The following OPHN1 variants were observed in gnomAD, a reference collection of about 807,000 sequenced individuals.
OPHN1 encodes oligophrenin 1, also known as oligophrenin-1.
A neutral mutation model predicts 60.7 loss-of-function variants in OPHN1; 11 were observed. The ratio of observed to expected loss-of-function variants is 0.18; its 90% CI spans 0.11 to 0.30. The LOEUF (loss-of-function observed/expected upper bound fraction) is 0.30, where lower values mean the gene tolerates loss of function less well. Ranked by LOEUF, OPHN1 falls within the 10% of genes least tolerant of loss-of-function variation. OPHN1 has a pLI of 1.00. For synonymous variants in OPHN1, 226 were observed against 222.6 expected, an observed-to-expected ratio of 1.02 and a Z score of -0.14; for missense variants, 449 against 611.0, an observed-to-expected ratio of 0.73 and a Z score of 2.80.
chrX:68,152,013 C>A (rs747762838), intron 15 of OPHN1, among the ~76,000 whole-genome samples: 56 of 110,600 alleles, frequency 5.1e-4, no homozygotes, highest in African/African-American at 1.7e-3. Context: ...GGGTGCTACA[C>A]ACTTTAAAAA....
chrX:68,189,520 A>G (rs1040460447), intron 15 of OPHN1, among the ~76,000 whole-genome samples: 5 of 99,406 alleles, frequency 5.0e-5, no homozygotes, highest in South Asian at 5.1e-4. Flanking sequence ...CCAACCCCAC[A>G]ACAGGCCCCA....
At chrX:68,282,656 G>A (rs2078024387) in intron 4 of OPHN1, among the ~76,000 whole-genome samples, 1 of 111,275 alleles carries the variant, frequency 9.0e-6, no homozygotes, top group African/African-American at 3.3e-5. Context: ...AGAGAAAGGT[G>A]GTATATGAGT....
At chrX:68,178,844 G>A (rs2077424988) in intron 15 of OPHN1, among the ~76,000 whole-genome samples, 1 of 111,859 alleles carries the variant, frequency 8.9e-6, no homozygotes, top group Non-Finnish European at 1.9e-5. Flanking sequence ...CTGACTCTCG[G>A]CTCAAGGTGA....
At chrX:68,365,290 GA>G (rs1324351591) in intron 2 of OPHN1, among the ~76,000 whole-genome samples, 101 of 102,755 alleles carry the variant, frequency 9.8e-4, no homozygotes, top group East Asian at 1.5e-3. Context: ...GTACAAAAAG[GA>G]AAAAAAAAAA....
chrX:68,418,433 A>T (rs1046725518), intron 2 of OPHN1, among the ~76,000 whole-genome samples: 3 of 111,158 alleles, frequency 2.7e-5, no homozygotes, highest in Non-Finnish European at 3.8e-5. Flanking sequence ...AGGCTCAAGG[A>T]GCAGGAGAGG....
At chrX:68,245,504 T>C (rs758167543) in intron 5 of OPHN1, among the ~76,000 whole-genome samples, 2 of 112,002 alleles carry the variant, frequency 1.8e-5, no homozygotes, top group African/African-American at 6.5e-5. Flanking sequence ...CTTAATTTGC[T>C]CATATAGGTC....
intron 12 of OPHN1, among the ~76,000 whole-genome samples, chrX:68,196,700 C>T (rs1286396386): frequency 3.6e-5 from 4 of 111,842 alleles, no homozygotes; most frequent in Admixed American, 9.5e-5. Context: ...ATGCCATCTC[C>T]GCTACCAGCT....
chrX:68,295,675 A>T (rs762922157), intron 3 of OPHN1, among the ~76,000 whole-genome samples: 3 of 112,420 alleles, frequency 2.7e-5, no homozygotes, highest in Non-Finnish European at 5.6e-5. Flanking sequence ...TCAATGACAC[A>T]TGGCCTCCCA....
chrX:68,083,386 T>C (rs1416484001), intron 19 of OPHN1, among the ~76,000 whole-genome samples: 1 of 111,596 alleles, frequency 9.0e-6, no homozygotes, highest in Non-Finnish European at 1.9e-5. Context: ...CCTCTGCTAG[T>C]TTCAAACTTT....
chrX:68,269,713 G>A (rs2077955743), intron 5 of OPHN1, among the ~76,000 whole-genome samples: 1 of 111,748 alleles, frequency 8.9e-6, no homozygotes, highest in Non-Finnish European at 1.9e-5. Flanking sequence ...AAAAGCAATG[G>A]CAACAAAAGC....
intron 6 of OPHN1, among the ~76,000 whole-genome samples, chrX:68,218,269 T>C (rs1222530464): frequency 8.4e-5 from 9 of 107,602 alleles, no homozygotes; most frequent in African/African-American, 3.0e-4. Flanking sequence ...CCAAGAAATA[T>C]GGGACTATGG....
chrX:68,167,850 G>A (rs181748743), intron 15 of OPHN1, among the ~76,000 whole-genome samples: 2 of 110,398 alleles, frequency 1.8e-5, no homozygotes, highest in Admixed American at 2.0e-4. Flanking sequence ...TCCATCAACA[G>A]ATGAATGGAT....
intron 20 of OPHN1, chrX:68,071,042 G>C (rs2076932118): frequency 2.7e-6 from 3 of 1,125,591 alleles, no homozygotes; most frequent in Non-Finnish European, 3.7e-6. Flanking sequence ...AGCACCTTAA[G>C]GAAGGTAAAA....
chrX:68,319,665 G>A (rs1271560333), intron 2 of OPHN1, among the ~76,000 whole-genome samples: 1 of 110,341 alleles, frequency 9.1e-6, no homozygotes, highest in Non-Finnish European at 1.9e-5. Flanking sequence ...GAGCCTGGGA[G>A]GTGGAGGTTG....
chrX:68,432,904 T>A lies in OPHN1; in HGVS notation c.117A>T (p.Val39=). The change falls in exon 2 of 25, where the codon GTA becomes GTT. Residue 39 remains valine, a synonymous_variant. Transcript: ENST00000355520. ...TGATAAGCGCGTTGCCGTCTTTGAT[T>A]ACGTCTTTGATGAATTTGTTGGTCC... ...LERTNKFIKD[V]IKDGNALISA... 1 of 1,212,065 alleles carries A rather than the reference T, an allele frequency of 8.3e-7. No individual in the cohort carries two copies. Among genetic ancestry groups the A allele is most frequent in the Non-Finnish European group, 1.1e-6 (1 of 895,529 alleles).
At chrX:68,401,625 C>T (rs931390481) in intron 2 of OPHN1, among the ~76,000 whole-genome samples, 1 of 111,888 alleles carries the variant, frequency 8.9e-6, no homozygotes, top group East Asian at 2.8e-4. Flanking sequence ...ATACAAACAT[C>T]AGGAGATGTA....
chrX:68,112,545 C>T (rs1349160629), intron 17 of OPHN1: 1 of 114,965 alleles, frequency 8.7e-6, no homozygotes, highest in Non-Finnish European at 1.8e-5. Flanking sequence ...ATGTTAAGTC[C>T]CCTGAATCTT....
intron 20 of OPHN1, among the ~76,000 whole-genome samples, chrX:68,068,319 A>C (rs903804523): frequency 9.2e-6 from 1 of 108,946 alleles, no homozygotes; most frequent in African/African-American, 3.3e-5. Context: ...AAAATACAAA[A>C]AATTAGCCTG....
chrX:68,064,616 G>A (rs767811278), intron 20 of OPHN1, among the ~76,000 whole-genome samples: 6 of 111,646 alleles, frequency 5.4e-5, no homozygotes, highest in East Asian at 2.8e-4. Context: ...CTTTAACTTC[G>A]TTCTCCAACC....
Sources: allele counts gnomAD v4.1 joint callset (sites outside exome capture counted in the v4.1 genomes callset), GRCh38; gene constraint gnomAD v4.1.1; transcripts MANE v1.5; gene names NCBI Gene and HGNC (gene_info 2026-07-23, HGNC 2026-07-21).